Variants in USP9X observed in about 807,000 individuals in gnomAD.
USP9X encodes the protein ubiquitin carboxyl-terminal hydrolase 9X.
In USP9X, 7 loss-of-function variants were observed where a neutral mutation model predicts 190.3. The observed-to-expected ratio is 0.04, with a 90% CI of 0.02 to 0.07. The LOEUF is 0.07. USP9X is among the 10% of genes least tolerant of loss of function. USP9X has a pLI of 1.00. For synonymous variants in USP9X, 645 were observed against 659.5 expected, an observed-to-expected ratio of 0.98 and a Z score of 0.34; for missense variants, 1,010 against 1,916.9, an observed-to-expected ratio of 0.53 and a Z score of 8.83.
chrX:41,215,491 A>G (rs2063203563), intron 34 of USP9X, among the ~76,000 whole-genome samples: 1 of 112,882 alleles, frequency 8.9e-6, no homozygotes. Context: ...AGTAGTACAC[A>G]CTTGAGAAGG....
At chrX:41,206,752 T>A (rs149495667) in intron 32 of USP9X, among the ~76,000 whole-genome samples, 7,025 of 109,808 alleles carry the variant, frequency 0.064, 289 homozygotes, top group Admixed American at 0.17. Flanking sequence ...ACAGCAATTT[T>A]TTATTATTAT....
chrX:41,197,517 T>A lies in USP9X; in HGVS notation c.4380+7T>A. On this transcript the variant is annotated splice_region_variant and intron_variant, in intron 29 of 44. Coordinates refer to ENST00000378308, the MANE Select transcript of USP9X (RefSeq NM_001039591.3). ...AGGTGCTAATCTCATTAAAGTAAGT[T>A]CTGTGTTCTTGGTTGTAAGCTACAT... The A allele has an allele frequency of 2.5e-6, 3 of 1,205,761 alleles. No individual in the cohort carries two copies. Among genetic ancestry groups the A allele is most frequent in the Non-Finnish European group, 3.4e-6 (3 of 891,953 alleles).
At chrX:41,107,920 G>T (rs1308447591) in intron 1 of USP9X, among the ~76,000 whole-genome samples, 1 of 111,950 alleles carries the variant, frequency 8.9e-6, no homozygotes, top group Non-Finnish European at 1.9e-5. Context: ...GTTTCCTTTA[G>T]TTCATTGAAC....
Position 41,123,457 on chromosome X carries a change from CTTTCTA to C in USP9X, c.-158-10_-158-5del, listed in dbSNP as rs1390951889. Reference sequence around the variant, plus strand: ...TATCTAAAACCAATTACTTTTTCCCCTTTCTATTTGTAGGTTATGCAATGGTCTCTG... The same window carrying C: ...TATCTAAAACCAATTACTTTTTCCCCTTTGTAGGTTATGCAATGGTCTCTG... On this transcript the variant is annotated splice_polypyrimidine_tract_variant and splice_region_variant and intron_variant, in intron 1 of 44. Coordinates refer to ENST00000378308, the MANE Select transcript of USP9X (RefSeq NM_001039591.3). The C allele has an allele frequency of 4.7e-6, 2 of 424,939 alleles. No homozygotes were observed. The highest frequency in any genetic ancestry group is 8.2e-5 in the East Asian group (2 of 24,343). The allele number at this position is 424,939 out of a possible 1,213,427, so 35.0% of individuals were successfully genotyped here.
At chrX:41,172,102 C>T in intron 21 of USP9X, 144 bp downstream of exon 21, 2 of 648,389 alleles carry the variant, frequency 3.1e-6, no homozygotes, top group South Asian at 1.1e-4. Flanking sequence ...CATCAAGCCC[C>T]CTGCTTGTTT....
At chrX:41,220,689 C>T (rs930659071) in intron 38 of USP9X, among the ~76,000 whole-genome samples, 1 of 112,185 alleles carries the variant, frequency 8.9e-6, no homozygotes, top group Non-Finnish European at 1.9e-5. Context: ...CGAGGTGGCT[C>T]ATGCCTGTAA....
chrX:41,170,994 A>G (rs2062720523), intron 20 of USP9X, among the ~76,000 whole-genome samples: 1 of 111,798 alleles, frequency 8.9e-6, no homozygotes, highest in Admixed American at 9.5e-5. Flanking sequence ...AACCAGATAT[A>G]CAAAAAGTTA....
chrX:41,215,068 T>G (rs2063200228), intron 34 of USP9X, among the ~76,000 whole-genome samples: 1 of 112,197 alleles, frequency 8.9e-6, no homozygotes, highest in Non-Finnish European at 1.9e-5. Context: ...AGGAAAACAT[T>G]TCTCCTGTCA....
At chrX:41,108,444 G>A (rs1009009920) in intron 1 of USP9X, among the ~76,000 whole-genome samples, 20 of 111,246 alleles carry the variant, frequency 1.8e-4, no homozygotes, top group Non-Finnish European at 1.9e-5. Flanking sequence ...TGTGTCTGAG[G>A]TTTGTTCTGA....
chrX:41,173,203 C>T (rs1054359753), intron 21 of USP9X, among the ~76,000 whole-genome samples: 3 of 111,501 alleles, frequency 2.7e-5, no homozygotes, highest in African/African-American at 9.8e-5. Flanking sequence ...GGCTTTTCCC[C>T]TCCAAATATT....
At chrX:41,108,514 T>C (rs1442494454) in intron 1 of USP9X, among the ~76,000 whole-genome samples, 1 of 111,331 alleles carries the variant, frequency 9.0e-6, no homozygotes, top group Non-Finnish European at 1.9e-5. Context: ...GCTAGCTGAG[T>C]AGTTTAACTT....
chrX:41,163,694 A>G (rs2147108327), intron 15 of USP9X, among the ~76,000 whole-genome samples: 1 of 105,369 alleles, frequency 9.5e-6, no homozygotes, highest in East Asian at 3.3e-4. Context: ...CGGAGGTTGC[A>G]GTGAGCTGTG....
At chrX:41,191,483 A>G (rs1663301043) in intron 26 of USP9X, among the ~76,000 whole-genome samples, 1 of 111,702 alleles carries the variant, frequency 9.0e-6, no homozygotes, top group African/African-American at 3.3e-5. Flanking sequence ...GGTACTTCTC[A>G]CTTAATCCGT....
intron 1 of USP9X, among the ~76,000 whole-genome samples, chrX:41,087,152 A>G (rs956415703): frequency 1.8e-5 from 2 of 112,928 alleles, no homozygotes; most frequent in East Asian, 5.5e-4. Flanking sequence ...TTTTAGTTTA[A>G]ATAAGCAAGT....
At position 41,137,750 on chromosome X, in the gene USP9X, G is replaced by C. The variant is rs1002312702; in HGVS notation, c.654+728G>C. 1.3e-4 allele frequency among the ~76,000 whole-genome samples: 14 copies of C among 111,278 alleles called. No homozygotes were observed. The Admixed American group carries it at 1.3e-3, about 11-fold the overall frequency. On this transcript the variant is annotated intron_variant, in intron 6 of 44. Transcript: ENST00000378308. ...GGTCAAACTTAAGTTGAGATTTTCT[G>C]ATATTTCCTAGTTCATATAGTTGCC... is the stretch of plus-strand genomic sequence containing the variant.
chrX:41,093,019 G>C (rs181265470), intron 1 of USP9X, among the ~76,000 whole-genome samples: 81 of 111,160 alleles, frequency 7.3e-4, no homozygotes, highest in African/African-American at 2.6e-3. Context: ...ACCACAGGCC[G>C]ACATCACCTC....
intron 44 of USP9X, 131 bp from the exon 45 acceptor site, chrX:41,232,256 G>T (rs943585594): frequency 1.8e-6 from 1 of 558,353 alleles, no homozygotes; most frequent in South Asian, 5.4e-5. Flanking sequence ...TTGCACTATA[G>T]TAGTCCAAGG....
rs892090039 is a variant in USP9X at position 41,232,650 on chromosome X, T to G, written c.*126T>G. On this transcript the variant is annotated 3_prime_UTR_variant, in exon 45 of 45. Coordinates refer to ENST00000378308, the MANE Select transcript of USP9X (RefSeq NM_001039591.3). ...CCTAATCAACATGGAGTGGAGAGTT[T>G]ATTCACTGTCTTATCTGCAGAAATT... 9.7e-6 allele frequency: 9 copies of G among 925,237 alleles called. No individual in the cohort carries two copies. Among genetic ancestry groups the G allele is most frequent in the East Asian group, 6.7e-5 (2 of 29,794 alleles). 76.2% of individuals were successfully genotyped at this position (925,237 alleles called of 1,213,427 possible).
intron 11 of USP9X, among the ~76,000 whole-genome samples, chrX:41,146,691 A>G (rs2062467656): frequency 1.6e-5 from 1 of 62,735 alleles, no homozygotes; most frequent in South Asian, 9.5e-4. Context: ...TTTTGGGTGA[A>G]TGCCTGTTCC....
Sources: allele counts gnomAD v4.1 joint callset (sites outside exome capture counted in the v4.1 genomes callset), GRCh38; gene constraint gnomAD v4.1.1; transcripts MANE v1.5; gene names NCBI Gene and HGNC (gene_info 2026-07-23, HGNC 2026-07-21).